The following CCDC170 variants were observed in gnomAD, a reference collection of about 807,000 sequenced individuals.
The protein encoded by CCDC170 is coiled-coil domain containing 170.
In CCDC170, 69 loss-of-function variants were observed where a neutral mutation model predicts 72.6. The observed-to-expected ratio is 0.95, with a 90% CI of 0.78 to 1.16. CCDC170 has a LOEUF of 1.16. Among genes scored for constraint, CCDC170 ranks in the 50% most tolerant of loss-of-function variants. CCDC170 has a pLI of 0.00. For missense variants in CCDC170, 852 were observed against 832.5 expected (o/e 1.02, Z -0.29); for synonymous variants, 300 against 303.9 (o/e 0.99, Z 0.13).
In CCDC170 at chr6:151,508,356, G is replaced by T. The variant is rs566190168; in HGVS notation, c.57+14171G>T. Among the ~76,000 whole-genome samples the T allele has an allele frequency of 5.3e-5, 8 of 152,174 alleles. No homozygotes were observed. The South Asian group carries it at 1.7e-3, about 32-fold the overall frequency. On this transcript the variant is annotated intron_variant, in intron 1 of 10. Transcript: ENST00000239374. ...AGTTTGAGTCTAGCCTGGCCAACAT[G>T]GTGAAACCCTGCCTCTCCTAAAAAT...
chr6:151,581,702 C>T lies in CCDC170; in HGVS notation c.1093-4187C>T, dbSNP rs111332319. Among the ~76,000 whole-genome samples the T allele has an allele frequency of 7.4e-3, 1,126 of 152,282 alleles. 12 individuals are homozygous for T. Among genetic ancestry groups the T allele is most frequent in the African/African-American group, 0.026 (1,060 of 41,552 alleles). On this transcript the variant is annotated intron_variant, in intron 6 of 10. Transcript: ENST00000239374. ...AATCACTCTCTATGGCAGCTGTAGC[C>T]TTATGAAGTATATTTCTTACATAAT...
intron 6 of CCDC170, among the ~76,000 whole-genome samples, chr6:151,582,138 T>A (rs961032895): frequency 6.6e-6 from 1 of 152,370 alleles, no homozygotes; most frequent in Middle Eastern, 3.4e-3. Flanking sequence ...AGGCATTGAC[T>A]TCTCCTCTTT....
At chr6:151,578,072 G>C (rs1350775425) in intron 6 of CCDC170, among the ~76,000 whole-genome samples, 1 of 152,072 alleles carries the variant, frequency 6.6e-6, no homozygotes, top group Non-Finnish European at 1.5e-5. Context: ...CTACTAAAGT[G>C]AGCATCTTCC....
Position 151,538,055 on chromosome 6 carries a change from T to A in CCDC170, c.197T>A (p.Leu66His). The part of the protein sequence containing the change: ...FECAQSELQD[L>H]RSKMLSKEVS... ...TCTTTTCCATGTTAGCTTCAAGACC[T>A]CCGATCCAAGATGCTTTCTAAAGAA... is the stretch of plus-strand genomic sequence containing the variant. Residue 66 changes from leucine to histidine, a missense_variant, in exon 3 of 11, where the codon CTC (leucine) becomes CAC (histidine). By Grantham distance (99) the Leu-to-His change is moderately conservative (BLOSUM62 -3). Transcript: ENST00000239374. 1.2e-6 allele frequency: 2 copies of A among 1,609,756 alleles called. No individual in the cohort carries two copies. The highest frequency in any genetic ancestry group is 1.1e-5 in the South Asian group (1 of 90,026).
At position 151,593,276 on chromosome 6, in the gene CCDC170, G is replaced by C. The variant is rs267600859; in HGVS notation, c.1463G>C (p.Arg488Thr). 9 of 1,613,188 alleles carry C rather than the reference G, an allele frequency of 5.6e-6. No homozygotes were observed. Among genetic ancestry groups the C allele is most frequent in the Non-Finnish European group, 7.6e-6 (9 of 1,179,396 alleles). ...AAGACCATTGCCCACAATTTGCAGA[G>C]AAAGGTAGGAGATATTGAAACTTGC... ...ENKTIAHNLQRKLKTQKERLE... is the reference protein window; with the variant it reads ...ENKTIAHNLQTKLKTQKERLE... Residue 488 changes from arginine to threonine, a missense_variant, in exon 8 of 11, where the codon AGA becomes ACA. Arg to Thr is a moderately conservative substitution (Grantham distance 71). Coordinates refer to ENST00000239374, the MANE Select transcript of CCDC170 (RefSeq NM_025059.4).
chr6:151,596,960 A>G (rs923130251), intron 9 of CCDC170, among the ~76,000 whole-genome samples: 1 of 151,696 alleles, frequency 6.6e-6, no homozygotes, highest in East Asian at 2.0e-4. Context: ...CTGAGTAGCC[A>G]GGATTACAGG....
At chr6:151,563,328 A>C (rs965524795) in intron 5 of CCDC170, among the ~76,000 whole-genome samples, 3 of 152,162 alleles carry the variant, frequency 2.0e-5, no homozygotes, top group African/African-American at 4.8e-5. Context: ...CGCTCTCTAC[A>C]TATCTTCCCT....
chr6:151,574,737 G>A (rs1283323052), intron 6 of CCDC170, among the ~76,000 whole-genome samples: 1 of 152,124 alleles, frequency 6.6e-6, no homozygotes, highest in Admixed American at 6.5e-5. Context: ...GAAAAAACCT[G>A]GATTTTGGAA....
At chr6:151,565,322 C>T (rs967278883) in intron 5 of CCDC170, among the ~76,000 whole-genome samples, 6 of 152,276 alleles carry the variant, frequency 3.9e-5, no homozygotes, top group African/African-American at 1.2e-4. Flanking sequence ...TGGAGCAATG[C>T]CATTGTGCGG....
intron 8 of CCDC170, among the ~76,000 whole-genome samples, chr6:151,594,667 T>C (rs1192375901): frequency 1.3e-5 from 2 of 151,926 alleles, no homozygotes; most frequent in Non-Finnish European, 2.9e-5. Flanking sequence ...TTTTTTTTTT[T>C]TGAGACAGAG....
rs1230499643 is a variant in CCDC170 at position 151,538,223 on chromosome 6, C to G, written c.365C>G (p.Thr122Arg). 1.2e-6 allele frequency: 2 copies of G among 1,613,724 alleles called. No homozygotes were observed. Among genetic ancestry groups the G allele is most frequent in the Non-Finnish European group, 1.7e-6 (2 of 1,179,734 alleles). The change falls in exon 3 of 11, where the codon ACA becomes AGA. Residue 122 changes from threonine (T) to arginine (R), a missense_variant. Transcript: ENST00000239374. The stretch of plus-strand genomic sequence containing the variant: ...GCACTTTCCACTTCTAAAATCAGAA[C>G]AGAAATCACAGCTCACGCTGCAATC... The part of the protein sequence containing the change: ...SAALSTSKIR[T>R]EITAHAAIKE...
At chr6:151,517,609 TC>T (rs1420185955) in intron 1 of CCDC170, among the ~76,000 whole-genome samples, 1 of 151,798 alleles carries the variant, frequency 6.6e-6, no homozygotes, top group African/African-American at 2.4e-5. Context: ...ATTTTTTTTT[TC>T]TTTTTGTATT....
intron 5 of CCDC170, among the ~76,000 whole-genome samples, chr6:151,555,763 C>T (rs777744528): frequency 1.3e-5 from 2 of 152,200 alleles, no homozygotes. Flanking sequence ...TATGGCCACC[C>T]TTCAAATGGT....
intron 4 of CCDC170, 113 bp downstream of exon 4, chr6:151,544,829 C>A: frequency 2.1e-6 from 2 of 957,810 alleles, no homozygotes; most frequent in Non-Finnish European, 3.1e-6. Flanking sequence ...CACAGTAGAC[C>A]AAGTGTAGTA....
At position 151,577,996 on chromosome 6, in the gene CCDC170, C is replaced by T. The variant is rs190105802; in HGVS notation, c.1092+4505C>T. On this transcript the variant is annotated intron_variant, in intron 6 of 10. Transcript: ENST00000239374. Reference sequence around the variant, plus strand: ...AGGACTGGAGATGTGCTTCACAGCCCCCTCCTCCCCATTCTGATCTCAGAG... The same window carrying T: ...AGGACTGGAGATGTGCTTCACAGCCTCCTCCTCCCCATTCTGATCTCAGAG... Among the ~76,000 whole-genome samples the T allele has an allele frequency of 7.9e-5, 12 of 152,176 alleles. No homozygotes were observed. In the East Asian group the frequency reaches 1.2e-3, roughly 15 times the overall value.
chr6:151,599,463 T>C (rs138889680), intron 9 of CCDC170, among the ~76,000 whole-genome samples: 171 of 152,200 alleles, frequency 1.1e-3, no homozygotes, highest in Non-Finnish European at 8.2e-4. Flanking sequence ...AATAGGTGAA[T>C]AGGAGGTCTG....
chr6:151,613,393 AC>A (rs891836153), intron 9 of CCDC170, among the ~76,000 whole-genome samples: 9 of 152,106 alleles, frequency 5.9e-5, no homozygotes, highest in African/African-American at 2.2e-4. Flanking sequence ...ACAGAGCAAG[AC>A]CCTGTCTCAA....
At chr6:151,547,691 G>C (rs1482982094) in intron 4 of CCDC170, among the ~76,000 whole-genome samples, 1 of 152,092 alleles carries the variant, frequency 6.6e-6, no homozygotes. Flanking sequence ...GAAATTGTCT[G>C]TATGGCTCGT....
chr6:151,565,380 C>T (rs918919414), intron 5 of CCDC170, among the ~76,000 whole-genome samples: 113 of 152,280 alleles, frequency 7.4e-4, no homozygotes, highest in African/African-American at 2.6e-3. Context: ...GAGGGGCTCT[C>T]TGGTGGCTGG....
Sources: gnomAD v4.1 joint callset for allele counts (sites outside exome capture counted in the v4.1 genomes callset) on GRCh38, gnomAD v4.1.1 for gene constraint, MANE v1.5 for transcripts, NCBI Gene and HGNC (gene_info 2026-07-23, HGNC 2026-07-21) for gene names.